DNAI4: variants seen among roughly 807,000 people sequenced by gnomAD.
DNAI4 encodes WD repeat domain 78.
Under a neutral mutation model 105.8 loss-of-function variants are expected in DNAI4, and 85 were observed. The ratio of observed to expected loss-of-function variants is 0.80; its 90% CI spans 0.67 to 0.96. The LOEUF is 0.96. DNAI4 is among the 40% of genes least tolerant of loss of function. DNAI4 has a pLI of 0.00. For missense variants in DNAI4, 1,014 were observed against 1,005.6 expected, an observed-to-expected ratio of 1.01 and a Z score of -0.11; for synonymous variants, 352 against 331.5, an observed-to-expected ratio of 1.06 and a Z score of -0.67.
chr1:66,892,423 A>C (rs1490119554), intron 3 of DNAI4, among the ~76,000 whole-genome samples: 1 of 152,246 alleles, frequency 6.6e-6, no homozygotes, highest in African/African-American at 2.4e-5. Context: ...AGAAACCTGA[A>C]GAAAAATGTC....
intron 1 of DNAI4, among the ~76,000 whole-genome samples, chr1:66,914,440 G>C (rs1475740250): frequency 1.3e-5 from 2 of 152,126 alleles, no homozygotes; most frequent in Admixed American, 1.3e-4. Context: ...GTGGCTAAAA[G>C]TTCTGAAGTA....
At chr1:66,864,691 A>G (rs1489034943) in intron 6 of DNAI4, among the ~76,000 whole-genome samples, 1 of 152,206 alleles carries the variant, frequency 6.6e-6, no homozygotes, top group African/African-American at 2.4e-5. Context: ...CTCTACTAAA[A>G]ATAGCTGTGC....
chr1:66,893,031 AG>A (rs1261740993), intron 3 of DNAI4, among the ~76,000 whole-genome samples, 197 bp downstream of exon 3: 5,618 of 122,130 alleles, frequency 0.046, 323 homozygotes, highest in African/African-American at 0.074. Flanking sequence ...AGAAAGAAAG[AG>A]AGGAAAGAAA....
At chr1:66,856,015 T>C (rs534005541) in intron 7 of DNAI4, among the ~76,000 whole-genome samples, 36 of 152,118 alleles carry the variant, frequency 2.4e-4, no homozygotes, top group Admixed American at 2.0e-3. Context: ...TTGTATTTTT[T>C]AGTAGAGATG....
At chr1:66,837,105 C>T (rs1646040923) in intron 10 of DNAI4, among the ~76,000 whole-genome samples, 1 of 152,126 alleles carries the variant, frequency 6.6e-6, no homozygotes, top group Non-Finnish European at 1.5e-5. Flanking sequence ...GTGGCTCACG[C>T]CCGTAATCCC....
chr1:66,834,174 C>A lies in DNAI4; in HGVS notation c.1734-26G>T, dbSNP rs753537061. The stretch of plus-strand genomic sequence containing the variant: ...CTAAAACAGTAAAAAAAATACTAAA[C>A]ATATAATCATTATAATAATTTCTTA... On this transcript the variant is annotated intron_variant, in intron 11 of 16. Coordinates refer to ENST00000371026, the MANE Select transcript of DNAI4 (RefSeq NM_024763.5). The A allele has an allele frequency of 7.1e-6, 11 of 1,540,378 alleles. No individual in the cohort carries two copies. In the South Asian group the frequency reaches 1.4e-4, roughly 19 times the overall value.
At chr1:66,848,219 C>T (rs537474519) in intron 7 of DNAI4, 80 of 456,032 alleles carry the variant, frequency 1.8e-4, no homozygotes, top group Non-Finnish European at 3.2e-4. Flanking sequence ...TTCTGGGGGC[C>T]ACCACAACCT....
At chr1:66,887,367 G>T (rs55844007) in intron 4 of DNAI4, among the ~76,000 whole-genome samples, 1 of 152,046 alleles carries the variant, frequency 6.6e-6, no homozygotes, top group South Asian at 2.1e-4. Context: ...TTTTCCATTT[G>T]TCCAACTTTT....
At chr1:66,866,198 T>C (rs1339323764) in intron 6 of DNAI4, among the ~76,000 whole-genome samples, 1 of 151,790 alleles carries the variant, frequency 6.6e-6, no homozygotes, top group Non-Finnish European at 1.5e-5. Flanking sequence ...TCCCAGCTAC[T>C]TGGGAGGGTG....
intron 2 of DNAI4, among the ~76,000 whole-genome samples, chr1:66,904,185 C>T (rs1011033119): frequency 6.6e-6 from 1 of 152,032 alleles, no homozygotes. Context: ...TATGAACATT[C>T]ATGTAGTAGT....
intron 1 of DNAI4, among the ~76,000 whole-genome samples, chr1:66,911,818 G>A (rs1161086968): frequency 2.5e-5 from 3 of 120,536 alleles, no homozygotes; most frequent in Non-Finnish European, 5.1e-5. Flanking sequence ...TCTATTCAAA[G>A]TCATCCCTCT....
chr1:66,864,796 G>T (rs570306976), intron 6 of DNAI4, among the ~76,000 whole-genome samples: 3 of 152,162 alleles, frequency 2.0e-5, no homozygotes, highest in African/African-American at 7.2e-5. Context: ...AGCCGAGATC[G>T]TGCCACTGCA....
In DNAI4 at chr1:66,834,167, T is replaced by A. The variant is rs372912482; in HGVS notation, c.1734-19A>T. On this transcript the variant is annotated intron_variant, in intron 11 of 16. Coordinates refer to ENST00000371026, the MANE Select transcript of DNAI4 (RefSeq NM_024763.5). ...TGATTCACTAAAACAGTAAAAAAAA[T>A]ACTAAACATATAATCATTATAATAA... The A allele has an allele frequency of 6.4e-7, 1 of 1,566,122 alleles. No individual in the cohort carries two copies. The highest frequency in any genetic ancestry group is 8.6e-7 in the Non-Finnish European group (1 of 1,157,692).
At chr1:66,865,704 T>C (rs1055975261) in intron 6 of DNAI4, among the ~76,000 whole-genome samples, 3 of 152,260 alleles carry the variant, frequency 2.0e-5, no homozygotes, top group African/African-American at 7.2e-5. Flanking sequence ...ACAGCCCAGA[T>C]TGCATGTTTT....
At chr1:66,865,685 G>C (rs937559177) in intron 6 of DNAI4, among the ~76,000 whole-genome samples, 1 of 152,148 alleles carries the variant, frequency 6.6e-6, no homozygotes, top group African/African-American at 2.4e-5. Context: ...TTCCTCCACA[G>C]GGGTAAGAAC....
chr1:66,879,767 T>C (rs1647029164), intron 4 of DNAI4, among the ~76,000 whole-genome samples: 1 of 152,220 alleles, frequency 6.6e-6, no homozygotes, highest in South Asian at 2.1e-4. Flanking sequence ...ATTTTCCTAA[T>C]GACATATGAA....
chr1:66,897,908 A>C (rs895502347), intron 2 of DNAI4, among the ~76,000 whole-genome samples: 1 of 152,154 alleles, frequency 6.6e-6, no homozygotes, highest in South Asian at 2.1e-4. Flanking sequence ...TGCCTAGTGG[A>C]GACATGGGAG....
At chr1:66,858,984 T>C (rs1303012157) in intron 7 of DNAI4, among the ~76,000 whole-genome samples, 1 of 151,952 alleles carries the variant, frequency 6.6e-6, no homozygotes, top group South Asian at 2.1e-4. Flanking sequence ...AAGAAAAAAA[T>C]TGATAAATTA....
chr1:66,851,027 T>C (rs753481726), intron 7 of DNAI4, among the ~76,000 whole-genome samples: 3 of 151,920 alleles, frequency 2.0e-5, no homozygotes, highest in Non-Finnish European at 4.4e-5. Context: ...GGTCTACATA[T>C]ACCAATTTAG....
Sources: allele counts gnomAD v4.1 joint callset (sites outside exome capture counted in the v4.1 genomes callset), GRCh38; gene constraint gnomAD v4.1.1; transcripts MANE v1.5; gene names NCBI Gene and HGNC (gene_info 2026-07-23, HGNC 2026-07-21).